MYH11: variants seen among roughly 807,000 people sequenced by gnomAD.
MYH11 encodes the protein myosin heavy chain 11.
MYH11 carries 80 observed loss-of-function variants against 246.6 expected under a neutral mutation model. That is an observed-to-expected ratio of 0.32 (90% CI 0.27 to 0.39). The LOEUF is 0.39. Ranked by LOEUF, MYH11 falls within the 10% of genes least tolerant of loss-of-function variation. The pLI is 1.00. For synonymous variants in MYH11, 1,071 were observed against 1,015.5 expected (o/e 1.05, Z -1.04); for missense variants, 2,158 against 2,546.8 (o/e 0.85, Z 3.29).
At position 15,735,547 on chromosome 16, in the gene MYH11, C is replaced by T; in HGVS notation, c.3325G>A (p.Ala1109Thr). The T allele has an allele frequency of 6.2e-7, 1 of 1,614,226 alleles. No homozygotes were observed. Among genetic ancestry groups the T allele is most frequent in the Non-Finnish European group, 8.5e-7 (1 of 1,180,046 alleles). ...LDDEIAQKNNALKKIRELEGH... is the reference protein window; with the variant it reads ...LDDEIAQKNNTLKKIRELEGH... ...TCCAGCTCCCGGATCTTCTTCAGGG[C>T]ATTGTTCTTCTGAGCGATTTCATCG... is the stretch of plus-strand genomic sequence containing the variant. The change falls in exon 26 of 41, where the codon GCC becomes ACC. Residue 1109 changes from alanine to threonine, a missense_variant. Ala to Thr is a moderately conservative substitution (Grantham distance 58). Transcript: ENST00000300036.
intron 9 of MYH11, among the ~76,000 whole-genome samples, chr16:15,766,272 G>A (rs2041978037): frequency 6.6e-6 from 1 of 152,058 alleles, no homozygotes; most frequent in African/African-American, 2.4e-5. Flanking sequence ...TAAGCCAAGT[G>A]TTGCTGGAAC....
At chr16:15,722,841 T>C (rs1317700445) in intron 31 of MYH11, among the ~76,000 whole-genome samples, 1 of 152,154 alleles carries the variant, frequency 6.6e-6, no homozygotes, top group Non-Finnish European at 1.5e-5. Context: ...CACCCTGGGT[T>C]CAAGCGATTC....
chr16:15,852,995 G>T (rs1016815149), intron 1 of MYH11, among the ~76,000 whole-genome samples: 1 of 152,142 alleles, frequency 6.6e-6, no homozygotes, highest in African/African-American at 2.4e-5. Flanking sequence ...CATCCCTTGA[G>T]CACAAACAAG....
chr16:15,715,182 G>T lies in MYH11; in HGVS notation c.5595C>A (p.Ala1865=). ...LLQVEDERKM[A]EQYKEQAEKG... is the part of the protein sequence containing the mutation. ...GGGCTACCTGCTCCTTGTACTGCTC[G>T]GCCATCTTGCGCTCGTCCTCCACCT... The change falls in exon 39 of 41, where the codon GCC becomes GCA. Residue 1865 remains alanine, a synonymous_variant. Transcript: ENST00000300036. 6.2e-7 allele frequency: 1 copy of T among 1,613,860 alleles called. No individual in the cohort carries two copies. Among genetic ancestry groups the T allele is most frequent in the South Asian group, 1.1e-5 (1 of 91,084 alleles).
chr16:15,836,620 G>C (rs1214743078), intron 2 of MYH11, among the ~76,000 whole-genome samples: 1 of 150,998 alleles, frequency 6.6e-6, no homozygotes, highest in African/African-American at 2.4e-5. Context: ...GGCTTGTCTA[G>C]AACTCCTGAC....
chr16:15,787,858 G>T (rs1048384796), intron 4 of MYH11, among the ~76,000 whole-genome samples: 1 of 151,896 alleles, frequency 6.6e-6, no homozygotes, highest in Non-Finnish European at 1.5e-5. Context: ...CCAAAAAACC[G>T]GTTATCCCAT....
intron 4 of MYH11, among the ~76,000 whole-genome samples, chr16:15,795,331 G>A (rs2042718387): frequency 6.6e-6 from 1 of 151,670 alleles, no homozygotes; most frequent in Non-Finnish European, 1.5e-5. Flanking sequence ...TGCAGGATGG[G>A]CCAGGCTCAG....
At chr16:15,811,022 T>A (rs1351743241) in intron 3 of MYH11, among the ~76,000 whole-genome samples, 1 of 152,160 alleles carries the variant, frequency 6.6e-6, no homozygotes, top group Non-Finnish European at 1.5e-5. Flanking sequence ...CTGGAATCCT[T>A]ACCCCTAAAG....
At chr16:15,827,022 A>AAAAAAG (rs2043588971) in intron 2 of MYH11, among the ~76,000 whole-genome samples, 1 of 145,396 alleles carries the variant, frequency 6.9e-6, no homozygotes, top group African/African-American at 2.7e-5. Context: ...AAAAAAAAAA[A>AAAAAAG]GGAAACAGGA....
chr16:15,738,621 G>T lies in MYH11; in HGVS notation c.3065C>A (p.Ala1022Asp), dbSNP rs775419503. ...TTNLAEEEEK[A>D]KNLTKLKNKH... is the part of the protein sequence containing the mutation. Reference sequence around the variant, plus strand: ...GTTTTTCAGCTTGGTAAGATTCTTGGCCTTTTCTTCCTCTTCTGCAAGATT... The same window carrying T: ...GTTTTTCAGCTTGGTAAGATTCTTGTCCTTTTCTTCCTCTTCTGCAAGATT... Residue 1022 changes from alanine to aspartate, a missense_variant, in exon 24 of 41, where the codon GCC becomes GAC. Around this residue, in one of 11 missense-constraint regions of MYH11, gnomAD observed 284 missense variants for 315.4 expected, o/e 0.90. Coordinates refer to ENST00000300036, the MANE Select transcript of MYH11 (RefSeq NM_002474.3). 6.2e-7 allele frequency: 1 copy of T among 1,614,014 alleles called. No homozygotes were observed. Among genetic ancestry groups the T allele is most frequent in the Admixed American group, 1.7e-5 (1 of 59,996 alleles).
At chr16:15,731,237 A>G (rs750861876) in intron 27 of MYH11, among the ~76,000 whole-genome samples, 9 of 152,206 alleles carry the variant, frequency 5.9e-5, no homozygotes, top group Non-Finnish European at 1.3e-4. Flanking sequence ...AGGGCAGTAT[A>G]TTGATAGGCC....
At chr16:15,739,442 C>G (rs2041210799) in intron 23 of MYH11, among the ~76,000 whole-genome samples, 1 of 152,064 alleles carries the variant, frequency 6.6e-6, no homozygotes, top group Admixed American at 6.6e-5. Context: ...CTTCAGAGCC[C>G]TGATCACCAT....
intron 4 of MYH11, among the ~76,000 whole-genome samples, chr16:15,796,362 CTCT>C (rs1383736286): frequency 1.1e-4 from 16 of 152,160 alleles, no homozygotes; most frequent in Admixed American, 1.0e-3. Flanking sequence ...GCAGGGTGGC[CTCT>C]TCTTCATCTT....
At position 15,737,321 on chromosome 16, in the gene MYH11, T is replaced by C. The variant is rs111466401; in HGVS notation, c.3293+128A>G. 21,486 of 1,251,192 alleles carry C rather than the reference T, an allele frequency of 0.017. 264 individuals carry two copies. Among genetic ancestry groups the C allele is most frequent in the Middle Eastern group, 0.042 (158 of 3,782 alleles). 77.5% of individuals were successfully genotyped at this position (1,251,192 alleles called of 1,614,324 possible). A position where few individuals can be genotyped will look rare whatever the true frequency, so the allele number is the denominator to read the frequency against. Reference sequence around the variant, plus strand: ...GAGAAGGCTTGTGGGAGGCCTGGCCTGGGAAACGAAGTTCATGCCAAGGGC... The same window carrying C: ...GAGAAGGCTTGTGGGAGGCCTGGCCCGGGAAACGAAGTTCATGCCAAGGGC... On this transcript the variant is annotated intron_variant, in intron 25 of 40. Coordinates refer to ENST00000300036, the MANE Select transcript of MYH11 (RefSeq NM_002474.3).
chr16:15,802,488 G>A (rs572171593), intron 3 of MYH11, among the ~76,000 whole-genome samples: 21 of 152,210 alleles, frequency 1.4e-4, no homozygotes, highest in East Asian at 1.9e-4. Context: ...TCACTTTGTC[G>A]CCCAGGTGGG....
Position 15,750,348 on chromosome 16 carries a change from G to T in MYH11, c.1865-17C>A. ...TGCGGTCCACTATGGGGCACAGCCA[G>T]GGTGGCATCAGCCTCTGGCCCACCC... On this transcript the variant is annotated splice_polypyrimidine_tract_variant and intron_variant, in intron 15 of 40. Transcript: ENST00000300036. This position sits in a 1 kb window ranked among gnomAD's most constrained non-coding sequence, Gnocchi z 4.3. 1 of 1,579,726 alleles carries T rather than the reference G, an allele frequency of 6.3e-7. No individual in the cohort carries two copies. The highest frequency in any genetic ancestry group is 2.3e-5 in the East Asian group (1 of 43,362).
At chr16:15,764,078 C>G (rs956609193) in intron 9 of MYH11, among the ~76,000 whole-genome samples, 187 bp from the exon 10 acceptor site, 1 of 152,184 alleles carries the variant, frequency 6.6e-6, no homozygotes, top group Non-Finnish European at 1.5e-5. Context: ...TGCCACGCAG[C>G]AGGGACTGGC....
rs549088780 is a variant in MYH11 at position 15,837,901 on chromosome 16, T to C, written c.345+7A>G. The C allele has an allele frequency of 2.5e-6, 4 of 1,612,886 alleles. No individual in the cohort carries two copies. In the South Asian group the frequency reaches 3.3e-5, roughly 13 times the overall value. On this transcript the variant is annotated splice_region_variant and intron_variant, in intron 2 of 40. Transcript: ENST00000300036. Reference sequence around the variant, plus strand: ...GGAGTAGGTACCTGGCTGCCTGCAATACTCACATATATTAGCCCTGAGAAG... The same window carrying C: ...GGAGTAGGTACCTGGCTGCCTGCAACACTCACATATATTAGCCCTGAGAAG...
At chr16:15,721,293 A>G in intron 32 of MYH11, 129 bp downstream of exon 32, 1 of 1,178,264 alleles carries the variant, frequency 8.5e-7, no homozygotes, top group South Asian at 1.3e-5. Context: ...CCAGTCCAAA[A>G]ACCTCCTTCC....
Sources: gnomAD v4.1 joint callset for allele counts (sites outside exome capture counted in the v4.1 genomes callset) on GRCh38, gnomAD v4.1.1 for gene constraint, gnomAD v4.1.1 regional missense constraint, Gnocchi (gnomAD v3.1) non-coding constraint, MANE v1.5 for transcripts, NCBI Gene and HGNC (gene_info 2026-07-23, HGNC 2026-07-21) for gene names.